The following GALNT11 variants were observed in gnomAD, a reference collection of about 807,000 sequenced individuals.
GALNT11 encodes the protein polypeptide N-acetylgalactosaminyltransferase 11.
In GALNT11, 47 loss-of-function variants were observed where a neutral mutation model predicts 72.7. That is an observed-to-expected ratio of 0.65 (90% CI 0.51 to 0.82). The LOEUF is 0.82. GALNT11 is among the 40% of genes least tolerant of loss of function. The pLI is 0.00. For missense variants in GALNT11, 677 were observed against 778.4 expected, an observed-to-expected ratio of 0.87 and a Z score of 1.55; for synonymous variants, 270 against 286.6, an observed-to-expected ratio of 0.94 and a Z score of 0.58.
chr7:152,063,731 T>C (rs2084148524), intron 1 of GALNT11, among the ~76,000 whole-genome samples: 1 of 152,204 alleles, frequency 6.6e-6, no homozygotes, highest in South Asian at 2.1e-4. Context: ...CCAGTAGTCA[T>C]TCAGGAGCAG....
chr7:152,058,723 A>T (rs1375270156), intron 1 of GALNT11, among the ~76,000 whole-genome samples: 1 of 152,194 alleles, frequency 6.6e-6, no homozygotes, highest in Non-Finnish European at 1.5e-5. Flanking sequence ...TTTGATAGCA[A>T]TTTACCCACA....
chr7:152,116,986 C>T (rs2088930223), intron 8 of GALNT11, 171 bp from the exon 9 acceptor site: 1 of 714,040 alleles, frequency 1.4e-6, no homozygotes, highest in Non-Finnish European at 2.5e-6. Flanking sequence ...GAGTTTGAGA[C>T]CCACTGATCT....
intron 1 of GALNT11, among the ~76,000 whole-genome samples, chr7:152,038,664 T>C (rs2082703426): frequency 6.6e-6 from 1 of 152,242 alleles, no homozygotes; most frequent in African/African-American, 2.4e-5. Context: ...AGGTTTGTCA[T>C]GGTGAGCTAC....
At chr7:152,082,839 A>T (rs1173872055) in intron 1 of GALNT11, among the ~76,000 whole-genome samples, 1 of 152,166 alleles carries the variant, frequency 6.6e-6, no homozygotes, top group Non-Finnish European at 1.5e-5. Flanking sequence ...TTTCAGTTTG[A>T]TCGGGTGGGA....
chr7:152,046,674 C>T (rs2083140992), intron 1 of GALNT11, among the ~76,000 whole-genome samples: 2 of 152,016 alleles, frequency 1.3e-5, no homozygotes, highest in South Asian at 2.1e-4. Context: ...TGTTTTCAGT[C>T]TGTGTGTCTT....
rs756629830 is a variant in GALNT11, at chr7:152,113,329, T to C, written c.1164T>C (p.Ser388=). ...TCCGAAAAAGGCGACCATATGGATC[T>C]CCCGAAGGCCAGGACACCATGACAC... ...HIFRKRRPYG[S]PEGQDTMTHN... Residue 388 remains serine (S), a synonymous_variant, in exon 8 of 12, where the codon TCT becomes TCC. Coordinates refer to ENST00000430044, the MANE Select transcript of GALNT11 (RefSeq NM_022087.4). The C allele has an allele frequency of 6.2e-7, 1 of 1,614,150 alleles. No homozygotes were observed.
chr7:152,119,628 A>T (rs893954219), intron 10 of GALNT11: 1 of 152,162 alleles, frequency 6.6e-6, no homozygotes, highest in Non-Finnish European at 1.5e-5. Flanking sequence ...TAATCCCAGC[A>T]CTTTGGGAGG....
chr7:152,111,236 T>A (rs567033046), intron 7 of GALNT11, among the ~76,000 whole-genome samples: 1 of 152,312 alleles, frequency 6.6e-6, no homozygotes, highest in South Asian at 2.1e-4. Context: ...CACTGCAGCC[T>A]TGAACTCCTG....
chr7:152,044,767 G>A (rs1026909980), intron 1 of GALNT11, among the ~76,000 whole-genome samples: 2 of 151,310 alleles, frequency 1.3e-5, no homozygotes, highest in African/African-American at 4.9e-5. Flanking sequence ...TTCTAATTTG[G>A]ATGCCCTTTA....
chr7:152,048,857 C>G (rs2152026390), intron 1 of GALNT11, among the ~76,000 whole-genome samples: 1 of 151,518 alleles, frequency 6.6e-6, no homozygotes, highest in Non-Finnish European at 1.5e-5. Flanking sequence ...TTCAAATGGC[C>G]TGTCTTCAAG....
chr7:152,066,431 C>T (rs529348040), intron 1 of GALNT11, among the ~76,000 whole-genome samples: 31 of 152,314 alleles, frequency 2.0e-4, no homozygotes, highest in Admixed American at 1.8e-3. Flanking sequence ...ACTCAGTAGG[C>T]TGCACCCACT....
At position 152,055,520 on chromosome 7, in the gene GALNT11, CGTGTGTGTGTGTGTGT is replaced by C. The variant is rs3031460; in HGVS notation, c.-39+29669_-39+29684del. Reference sequence around the variant, plus strand: ...TACGAGGTATTTGGTATATATAAAGCGTGTGTGTGTGTGTGTGTGTGTGTGTGTGTGTGTGTGTGTG... The same window carrying C: ...TACGAGGTATTTGGTATATATAAAGCGTGTGTGTGTGTGTGTGTGTGTGTG... On this transcript the variant is annotated intron_variant, in intron 1 of 11. Coordinates refer to ENST00000430044, the MANE Select transcript of GALNT11 (RefSeq NM_022087.4). 2.6e-3 allele frequency among the ~76,000 whole-genome samples: 352 copies of C among 136,502 alleles called. 2 individuals carry two copies. Among genetic ancestry groups the C allele is most frequent in the African/African-American group, 8.4e-3 (310 of 37,030 alleles). The allele number at this position is 136,502 out of a possible 152,430, so 89.6% of individuals were successfully genotyped here. A position where few individuals can be genotyped will look rare whatever the true frequency, so the allele number is the denominator to read the frequency against.
At chr7:152,104,963 A>G (rs2087369572) in intron 4 of GALNT11, 1 of 197,274 alleles carries the variant, frequency 5.1e-6, no homozygotes, top group African/African-American at 2.3e-5. Flanking sequence ...CTCATTTCAA[A>G]CATTCTTTGT....
chr7:152,081,410 ATGTAAATTGGG>A (rs2085317536), intron 1 of GALNT11, among the ~76,000 whole-genome samples: 1 of 152,220 alleles, frequency 6.6e-6, no homozygotes, highest in South Asian at 2.1e-4. Flanking sequence ...TGATGCCGGA[ATGTAAATTGGG>A]TGAGCTGAGA....
chr7:152,064,798 T>C (rs1216588380), intron 1 of GALNT11, among the ~76,000 whole-genome samples: 1 of 152,236 alleles, frequency 6.6e-6, no homozygotes, highest in African/African-American at 2.4e-5. Context: ...TCTTCTGGCT[T>C]GTAGAGTTTC....
At chr7:152,076,061 C>CAAAAAAAAAAA (rs71198757) in intron 1 of GALNT11, among the ~76,000 whole-genome samples, 1 of 71,324 alleles carries the variant, frequency 1.4e-5, no homozygotes, top group African/African-American at 6.2e-5. Flanking sequence ...GACTCCGTCT[C>CAAAAAAAAAAA]AAAAAAAAAA....
chr7:152,059,511 C>G (rs184567176), intron 1 of GALNT11, among the ~76,000 whole-genome samples: 1 of 152,148 alleles, frequency 6.6e-6, no homozygotes, highest in Non-Finnish European at 1.5e-5. Context: ...TATAGTCTTA[C>G]GCAATTTATT....
At position 152,031,270 on chromosome 7, in the gene GALNT11, C is replaced by T. The variant is rs2082292749; in HGVS notation, c.-39+5386C>T. Among the ~76,000 whole-genome samples the T allele has an allele frequency of 2.6e-5, 4 of 152,180 alleles. No individual in the cohort carries two copies. The South Asian group carries it at 8.3e-4, about 31-fold the overall frequency. ...CTTCTGTTGGTATATAGATTAAGGT[C>T]AGGATTAGCTAAGGGGACTTATAAG... On this transcript the variant is annotated intron_variant, in intron 1 of 11. Transcript: ENST00000430044.
intron 1 of GALNT11, among the ~76,000 whole-genome samples, chr7:152,042,181 C>A (rs1194010702): frequency 6.6e-6 from 1 of 152,152 alleles, no homozygotes; most frequent in Non-Finnish European, 1.5e-5. Flanking sequence ...ATTGTAAATA[C>A]AAACCATTCA....
Sources: allele counts gnomAD v4.1 joint callset (sites outside exome capture counted in the v4.1 genomes callset), GRCh38; gene constraint gnomAD v4.1.1; transcripts MANE v1.5; gene names NCBI Gene and HGNC (gene_info 2026-07-23, HGNC 2026-07-21).